FRY: variants seen among roughly 807,000 people sequenced by gnomAD.
FRY encodes FRY microtubule binding protein.
A neutral mutation model predicts 348.4 loss-of-function variants in FRY; 128 were observed. The ratio of observed to expected loss-of-function variants is 0.37; its 90% CI spans 0.32 to 0.43. The LOEUF is 0.43. Among genes scored for constraint, FRY ranks in the 20% least tolerant of loss-of-function variants. FRY has a pLI of 1.00. For synonymous variants in FRY, 1,370 were observed against 1,374.7 expected (o/e 1.00, Z 0.08); for missense variants, 2,736 against 3,695.2 (o/e 0.74, Z 6.73).
chr13:32,248,424 C>T (rs1053255254), intron 48 of FRY, among the ~76,000 whole-genome samples: 4 of 151,974 alleles, frequency 2.6e-5, no homozygotes. Context: ...GGAGAAATAC[C>T]TAATGTAGAT....
intron 29 of FRY, among the ~76,000 whole-genome samples, chr13:32,201,264 A>T (rs2520703): frequency 0.41 from 61,834 of 152,020 alleles, 12,776 homozygotes; most frequent in Admixed American, 0.43. Flanking sequence ...TGACCTGGCT[A>T]ATGTCACCTG....
rs773366468 is a variant in FRY, at chr13:32,265,645, G to A, written c.7946+29G>A. The A allele has an allele frequency of 3.7e-6, 6 of 1,603,020 alleles. No individual in the cohort carries two copies. In the South Asian group the frequency reaches 5.5e-5, roughly 15 times the overall value. On this transcript the variant is annotated intron_variant, in intron 54 of 60. Coordinates refer to ENST00000542859, the MANE Select transcript of FRY (RefSeq NM_023037.3). Reference sequence around the variant, plus strand: ...ATGGAGCCCTTGGCTGATGTGAGTGGTGTGAATGTGCATGGTACATTATAT... The same window carrying A: ...ATGGAGCCCTTGGCTGATGTGAGTGATGTGAATGTGCATGGTACATTATAT...
At position 32,228,579 on chromosome 13, in the gene FRY, A is replaced by T; in HGVS notation, c.5330A>T (p.Gln1777Leu). ...AGTGGAAACCTCCCACAGATGACCC[A>T]GGAGGTAGAAGATGTGGACACAGCT... ...GSSGNLPQMT[Q>L]EVEDVDTAAE... Residue 1777 changes from glutamine (Q) to leucine (L), a missense_variant, in exon 40 of 61, where the codon CAG becomes CTG. Around this residue, in one of 9 missense-constraint regions of FRY, gnomAD observed 794 missense variants for 977.0 expected, o/e 0.81. Transcript: ENST00000542859. 1 of 1,614,066 alleles carries T rather than the reference A, an allele frequency of 6.2e-7. No individual in the cohort carries two copies. Among genetic ancestry groups the T allele is most frequent in the Non-Finnish European group, 8.5e-7 (1 of 1,179,922 alleles).
At chr13:32,080,241 A>G (rs1226682894) in intron 2 of FRY, among the ~76,000 whole-genome samples, 1 of 152,202 alleles carries the variant, frequency 6.6e-6, no homozygotes, top group Non-Finnish European at 1.5e-5. Flanking sequence ...TCCTTACTAC[A>G]GGACCTTTAT....
chr13:32,139,057 T>C (rs1426846180), intron 11 of FRY, among the ~76,000 whole-genome samples: 1 of 152,176 alleles, frequency 6.6e-6, no homozygotes, highest in African/African-American at 2.4e-5. Context: ...GATATAAAAA[T>C]ATCCTTGATA....
At chr13:32,112,873 G>A (rs1267869189) in intron 3 of FRY, among the ~76,000 whole-genome samples, 1 of 152,208 alleles carries the variant, frequency 6.6e-6, no homozygotes, top group Non-Finnish European at 1.5e-5. Flanking sequence ...AAGAATGTAA[G>A]CAATTAAGAG....
rs1305713204 is a variant in FRY at position 32,234,624 on chromosome 13, G to A, written c.5578G>A (p.Ala1860Thr). The A allele has an allele frequency of 3.7e-6, 6 of 1,613,936 alleles. No homozygotes were observed. In the African/African-American group the frequency reaches 5.3e-5, roughly 14 times the overall value. The change falls in exon 42 of 61, where the codon GCA (alanine) becomes ACA (threonine). Residue 1860 changes from alanine (A) to threonine (T), a missense_variant. By Grantham distance (58) the Ala-to-Thr change is moderately conservative (BLOSUM62 0). Around this residue, in one of 9 missense-constraint regions of FRY, gnomAD observed 794 missense variants for 977.0 expected, o/e 0.81. Transcript: ENST00000542859. ...LSEVALQTAL[A>T]SSSRHYAGRS... ...TGAAGTTGCATTGCAGACAGCCCTCGCAAGCTCTTCAAGGCACTATGCTGG... is the reference window on the plus strand; with the variant it reads ...TGAAGTTGCATTGCAGACAGCCCTCACAAGCTCTTCAAGGCACTATGCTGG...
rs555477117 is a variant in FRY, at chr13:32,200,873, C to T, written c.3747-1068C>T. On this transcript the variant is annotated intron_variant, in intron 29 of 60. Coordinates refer to ENST00000542859, the MANE Select transcript of FRY (RefSeq NM_023037.3). ...TGTTCCTCAGATCTCTCCCTTCCTT[C>T]TGTCTCTACTGTTTCTGCCCTAATT... Among the ~76,000 whole-genome samples, 75 of 152,308 alleles carry T rather than the reference C, an allele frequency of 4.9e-4. 3 individuals carry two copies. The South Asian group carries it at 0.015, about 30-fold the overall frequency.
intron 40 of FRY, 39 bp from the exon 41 acceptor site, chr13:32,231,140 G>A: frequency 6.2e-7 from 1 of 1,602,544 alleles, no homozygotes; most frequent in Non-Finnish European, 8.5e-7. Flanking sequence ...AATGCAAAAT[G>A]ACAGTTATAT....
In FRY at chr13:32,274,582, T is replaced by C. The variant is rs548861243; in HGVS notation, c.8137-260T>C. On this transcript the variant is annotated intron_variant, in intron 55 of 60. Transcript: ENST00000542859. Reference sequence around the variant, plus strand: ...AGCCAGGCGTGGTGGCAGGCACCTGTAGTCCCAGCTACTCGGGAGGCTGAG... The same window carrying C: ...AGCCAGGCGTGGTGGCAGGCACCTGCAGTCCCAGCTACTCGGGAGGCTGAG... 7.3e-5 allele frequency among the ~76,000 whole-genome samples: 11 copies of C among 151,330 alleles called. No individual in the cohort carries two copies. The East Asian group carries it at 2.0e-3, about 27-fold the overall frequency.
At chr13:32,254,416 A>C (rs2157961) in intron 51 of FRY, 22 bp downstream of exon 51, 1 of 1,606,774 alleles carries the variant, frequency 6.2e-7, no homozygotes, top group Non-Finnish European at 8.5e-7. Context: ...TCTCTGTAAA[A>C]ATAATCCCCG....
rs1461455715 is a variant in FRY, at chr13:32,093,703, T to C, written c.271-8260T>C. Among the ~76,000 whole-genome samples, 8 of 152,294 alleles carry C rather than the reference T, an allele frequency of 5.3e-5. No individual in the cohort carries two copies. In the East Asian group the frequency reaches 9.6e-4, roughly 18 times the overall value. ...ATGTTCAGCGCCAAGTCTCAGTATT[T>C]TGGGTTTTCCCAGGGCCCCAGGTCC... is the stretch of plus-strand genomic sequence containing the variant. On this transcript the variant is annotated intron_variant, in intron 2 of 60. Coordinates refer to ENST00000542859, the MANE Select transcript of FRY (RefSeq NM_023037.3).
intron 47 of FRY, 138 bp from the exon 48 acceptor site, chr13:32,247,185 A>T (rs1042865446): frequency 2.9e-6 from 2 of 686,382 alleles, no homozygotes; most frequent in Non-Finnish European, 5.1e-6. Flanking sequence ...TTTGCCTTTT[A>T]CTTCTCATGG....
At chr13:32,097,362 C>CTTT (rs34054013) in intron 2 of FRY, among the ~76,000 whole-genome samples, 21 of 126,478 alleles carry the variant, frequency 1.7e-4, no homozygotes, top group South Asian at 5.1e-4. Flanking sequence ...CCTTTTTTTC[C>CTTT]TTTTTTTTTT....
At chr13:32,178,533 T>C in intron 21 of FRY, 97 bp downstream of exon 21, 1 of 1,305,660 alleles carries the variant, frequency 7.7e-7, no homozygotes. Context: ...ATCATCCCAA[T>C]TTCTGAACTT....
In FRY at chr13:32,289,765, C is replaced by G. The variant is rs772739929; in HGVS notation, c.8580+22C>G. The G allele has an allele frequency of 2.3e-5, 28 of 1,222,448 alleles. No individual in the cohort carries two copies. The East Asian group carries it at 6.0e-4, about 26-fold the overall frequency. 75.7% of individuals were successfully genotyped at this position (1,222,448 alleles called of 1,614,324 possible). A position where few individuals can be genotyped will look rare whatever the true frequency, so the allele number is the denominator to read the frequency against. ...AGAGGTGAGTCCACACGCTTCCCAA[C>G]CCCACGTCCCACCACAAAAACCATT... On this transcript the variant is annotated intron_variant, in intron 59 of 60. Coordinates refer to ENST00000542859, the MANE Select transcript of FRY (RefSeq NM_023037.3).
At chr13:32,054,591 A>G (rs973794896) in intron 1 of FRY, among the ~76,000 whole-genome samples, 1 of 152,176 alleles carries the variant, frequency 6.6e-6, no homozygotes, top group African/African-American at 2.4e-5. Context: ...GGTAAGAAAC[A>G]GGCTGGGCGC....
chr13:32,204,657 A>G (rs1288455324), intron 31 of FRY, among the ~76,000 whole-genome samples: 1 of 152,098 alleles, frequency 6.6e-6, no homozygotes, highest in Non-Finnish European at 1.5e-5. Context: ...ATCCACCTCA[A>G]CTGTGCAGAC....
intron 11 of FRY, among the ~76,000 whole-genome samples, chr13:32,140,448 C>A (rs192943451): frequency 1.2e-4 from 19 of 152,186 alleles, no homozygotes; most frequent in Admixed American, 5.2e-4. Flanking sequence ...CCGTCAGTTG[C>A]CAACAATTCT....
Sources: allele counts gnomAD v4.1 joint callset (sites outside exome capture counted in the v4.1 genomes callset), GRCh38; gene constraint gnomAD v4.1.1; regional missense constraint gnomAD v4.1.1; transcripts MANE v1.5; gene names NCBI Gene and HGNC (gene_info 2026-07-23, HGNC 2026-07-21).